Variants in DCAKD observed in about 807,000 individuals in gnomAD.
DCAKD encodes the protein dephospho-CoA kinase domain containing.
Under a neutral mutation model 18.7 loss-of-function variants are expected in DCAKD, and 15 were observed. The ratio of observed to expected loss-of-function variants is 0.80; its 90% confidence interval spans 0.54 to 1.24. The LOEUF is 1.24. DCAKD is among the 50% of genes most tolerant of loss of function. The probability of loss-of-function intolerance (pLI) is 0.00; values close to 1 mark genes in which losing one functional copy is unlikely to be tolerated. For missense variants in DCAKD, 301 were observed against 322.0 expected, an observed-to-expected ratio of 0.93 and a Z score of 0.50; for synonymous variants, 130 against 133.0, an observed-to-expected ratio of 0.98 and a Z score of 0.16.
At chr17:45,028,361 C>T (rs1414885613) in intron 4 of DCAKD, among the ~76,000 whole-genome samples, 5 of 151,074 alleles carry the variant, frequency 3.3e-5, no homozygotes, top group African/African-American at 9.7e-5. Flanking sequence ...CCGCCCACCT[C>T]GGCCTCCCAA....
At chr17:45,053,832 G>A (rs1268994332), upstream of DCAKD, among the ~76,000 whole-genome samples, 1 of 152,164 alleles carries the variant, frequency 6.6e-6, no homozygotes, top group African/African-American at 2.4e-5. Context: ...CAAAGTGCTG[G>A]GATTATAGGC....
chr17:45,058,905 T>C (rs751418796), intron 1 of DCAKD, among the ~76,000 whole-genome samples: 4 of 152,184 alleles, frequency 2.6e-5, no homozygotes, highest in African/African-American at 7.2e-5. Flanking sequence ...TATCTGCTGC[T>C]TTGGATCATA....
chr17:45,037,130 T>A (rs543258053), intron 1 of DCAKD, among the ~76,000 whole-genome samples: 29 of 152,222 alleles, frequency 1.9e-4, no homozygotes, highest in African/African-American at 6.7e-4. Flanking sequence ...CACGGAGTCA[T>A]CATCCAAATG....
chr17:45,026,571 T>C, intron 4 of DCAKD: 1 of 975,436 alleles, frequency 1.0e-6, no homozygotes, highest in Non-Finnish European at 1.2e-6. Context: ...CTGTGTTGCC[T>C]ACACTGGTCT....
At chr17:45,044,419 C>T (rs184972778) in intron 1 of DCAKD, among the ~76,000 whole-genome samples, 56 of 152,318 alleles carry the variant, frequency 3.7e-4, no homozygotes, top group African/African-American at 1.3e-3. Context: ...CGGATGGGTG[C>T]GGTGGCTGAC....
intron 1 of DCAKD, among the ~76,000 whole-genome samples, chr17:45,037,915 C>T (rs975373172): frequency 6.6e-6 from 1 of 151,464 alleles, no homozygotes; most frequent in Non-Finnish European, 1.5e-5. Flanking sequence ...TACAGGTGCC[C>T]ACCACCATGC....
chr17:45,031,380 C>T (rs943853196), intron 3 of DCAKD: 32 of 982,274 alleles, frequency 3.3e-5, no homozygotes, highest in African/African-American at 1.4e-4. Flanking sequence ...CCCACCTTCC[C>T]CACCATGTGA....
In DCAKD at chr17:45,024,549, T is replaced by C. The variant is rs755958196; in HGVS notation, c.580A>G (p.Thr194Ala). 3.8e-5 allele frequency: 62 copies of C among 1,614,074 alleles called. No homozygotes were observed. The highest frequency in any genetic ancestry group is 5.1e-5 in the Non-Finnish European group (60 of 1,179,994). ...VTKRQVILLH[T>A]ELERSLEYLP... Reference sequence around the variant, plus strand: ...TACTCCAGGGAGCGCTCCAGCTCAGTGTGCAAGAGGATGACCTGGCGTTTG... The same window carrying C: ...TACTCCAGGGAGCGCTCCAGCTCAGCGTGCAAGAGGATGACCTGGCGTTTG... The change falls in exon 5 of 5, where the codon ACT (threonine) becomes GCT (alanine). Residue 194 changes from threonine (T) to alanine (A), a missense_variant. By Grantham distance (58) the Thr-to-Ala change is moderately conservative. Coordinates refer to ENST00000651974, the MANE Select transcript of DCAKD (RefSeq NM_001288655.2).
At chr17:45,041,267 C>G (rs1345418509) in intron 1 of DCAKD, among the ~76,000 whole-genome samples, 1 of 152,032 alleles carries the variant, frequency 6.6e-6, no homozygotes, top group Admixed American at 6.6e-5. Context: ...GTCCACGATG[C>G]CTGGTGCCTG....
intron 3 of DCAKD, chr17:45,031,668 C>T: frequency 1.0e-6 from 1 of 985,392 alleles, no homozygotes; most frequent in Non-Finnish European, 1.2e-6. Flanking sequence ...ATCACTTCCT[C>T]TCCCCTTGCT....
In DCAKD at chr17:45,034,428, C is replaced by A. The variant is rs770257411; in HGVS notation, c.113-38G>T. The A allele has an allele frequency of 4.3e-6, 7 of 1,609,712 alleles. 1 individual carries two copies. The Admixed American group carries it at 1.0e-4, about 23-fold the overall frequency. ...GAAGAAGCTGGGTCACTCCCTGAAG[C>A]CTCAGGGCCAGTCAGAGGACCTCAG... is the stretch of plus-strand genomic sequence containing the variant. On this transcript the variant is annotated intron_variant, in intron 2 of 4. Transcript: ENST00000651974.
intron 1 of DCAKD, among the ~76,000 whole-genome samples, chr17:45,044,122 A>C (rs4792966): frequency 0.66 from 100,196 of 152,016 alleles, 33,706 homozygotes; most frequent in African/African-American, 0.78. Context: ...TCTAACAGTT[A>C]CCATCTCAGT....
intron 3 of DCAKD, chr17:45,033,938 C>T (rs1266153171): frequency 6.5e-7 from 1 of 1,536,052 alleles, no homozygotes; most frequent in Non-Finnish European, 8.7e-7. Context: ...AACTTACTTC[C>T]TGGGCTCATG....
At chr17:45,058,486 C>T (rs2053811590) in intron 1 of DCAKD, among the ~76,000 whole-genome samples, 1 of 151,784 alleles carries the variant, frequency 6.6e-6, no homozygotes, top group Admixed American at 6.6e-5. Context: ...GTGGCAGAAT[C>T]TTGGCTTACT....
chr17:45,045,543 C>A (rs1456102450), intron 1 of DCAKD, among the ~76,000 whole-genome samples: 2 of 151,990 alleles, frequency 1.3e-5, no homozygotes, highest in East Asian at 3.9e-4. Context: ...ACCATCCTGG[C>A]CAATATGGTG....
chr17:45,036,981 A>G (rs1022577551), intron 1 of DCAKD, among the ~76,000 whole-genome samples: 4 of 152,172 alleles, frequency 2.6e-5, no homozygotes, highest in African/African-American at 7.2e-5. Flanking sequence ...GACACACCAA[A>G]TGACAGGGGA....
rs775423308 is a variant in DCAKD, at chr17:45,030,142, A to T, written c.354T>A (p.Phe118Leu). The change falls in exon 4 of 5, where the codon TTT becomes TTA. Residue 118 changes from phenylalanine to leucine, a missense_variant. Transcript: ENST00000651974. ...TGTACTTGAGCAACTTCTTGGTCTC[A>T]AACAGCAGGGGGATATCCAGAATCA... ...RYVILDIPLL[F>L]ETKKLLKYMK... is the part of the protein sequence containing the mutation. The T allele has an allele frequency of 1.2e-6, 2 of 1,613,998 alleles. No homozygotes were observed. The highest frequency in any genetic ancestry group is 2.2e-5 in the East Asian group (1 of 44,872).
chr17:45,035,480 T>TA (rs35837364), intron 1 of DCAKD, among the ~76,000 whole-genome samples: 17,776 of 86,804 alleles, frequency 0.2, 1,789 homozygotes, highest in East Asian at 0.32. Context: ...AGATTCCTTC[T>TA]AAAAAAAAAA....
intron 1 of DCAKD, among the ~76,000 whole-genome samples, chr17:45,048,730 T>TTGAGA (rs2053626726): frequency 6.7e-6 from 1 of 149,602 alleles, no homozygotes; most frequent in Non-Finnish European, 1.5e-5. Flanking sequence ...CATTTGAACC[T>TTGAGA]AGGAGGTAGA....
Sources: gnomAD v4.1 joint callset for allele counts (sites outside exome capture counted in the v4.1 genomes callset) on GRCh38, gnomAD v4.1.1 for gene constraint, MANE v1.5 for transcripts, NCBI Gene and HGNC (gene_info 2026-07-23, HGNC 2026-07-21) for gene names.